Variants in RASAL1 observed in about 807,000 individuals in gnomAD.
RASAL1 encodes RAS protein activator like 1.
RASAL1 carries 72 observed loss-of-function variants against 96.6 expected under a neutral mutation model. The observed-to-expected ratio is 0.75, with a 90% confidence interval of 0.62 to 0.91. The LOEUF (loss-of-function observed/expected upper bound fraction) is 0.91, where lower values mean the gene tolerates loss of function less well. RASAL1 is among the 40% of genes least tolerant of loss of function. The probability of loss-of-function intolerance (pLI) is 0.00; values close to 1 mark genes in which losing one functional copy is unlikely to be tolerated. For missense variants in RASAL1, 1,016 were observed against 1,072.5 expected (o/e 0.95, Z 0.74); for synonymous variants, 405 against 430.4 (o/e 0.94, Z 0.73).
Position 113,128,103 on chromosome 12 carries a change from G to A in RASAL1, c.198C>T (p.His66=). ...CATCCAGCACGTAGAAGGCCAGCTG[G>A]TGGAAATCCAGAGGCAGGTGCACCG... The part of the protein sequence containing the change: ...EYTVHLPLDF[H]QLAFYVLDED... Residue 66 remains histidine, a synonymous_variant, in exon 3 of 21, where the codon CAC becomes CAT. Transcript: ENST00000548055. 6.2e-7 allele frequency: 1 copy of A among 1,614,016 alleles called. No homozygotes were observed. Among genetic ancestry groups the A allele is most frequent in the Non-Finnish European group, 8.5e-7 (1 of 1,180,000 alleles).
intron 4 of RASAL1, among the ~76,000 whole-genome samples, chr12:113,122,729 C>T (rs1951343976): frequency 6.6e-6 from 1 of 152,210 alleles, no homozygotes; most frequent in Non-Finnish European, 1.5e-5. Flanking sequence ...GTAGAGATTG[C>T]ACTGCTTCTA....
rs773504316 is a variant in RASAL1 at position 113,115,610 on chromosome 12, G to A, written c.1003+25C>T. ...CAAGCCCACCATTGAGGGCGGTGAT[G>A]TCGGGGGTTGTGCGGGCAACTCACT... On this transcript the variant is annotated intron_variant, in intron 10 of 20. Coordinates refer to ENST00000548055, the MANE Select transcript of RASAL1 (RefSeq NM_001301202.2). The surrounding 1 kb of genome is among the most constrained non-coding windows in gnomAD (Gnocchi z 4.1). The A allele has an allele frequency of 6.2e-7, 1 of 1,609,738 alleles. No homozygotes were observed. The highest frequency in any genetic ancestry group is 1.3e-5 in the African/African-American group (1 of 74,962).
At chr12:113,109,369 C>A (rs557223080) in intron 13 of RASAL1, among the ~76,000 whole-genome samples, 54 of 152,264 alleles carry the variant, frequency 3.5e-4, no homozygotes, top group African/African-American at 1.2e-3. Context: ...GTAGTGAACC[C>A]AGTCTGATGG....
chr12:113,112,337 C>A, intron 12 of RASAL1, 59 bp from the exon 13 acceptor site: 2 of 1,217,598 alleles, frequency 1.6e-6, no homozygotes, highest in Non-Finnish European at 2.1e-6. Context: ...GCTCCAAACC[C>A]TCCACCGGCC....
chr12:113,134,940 A>T (rs918741653), intron 1 of RASAL1, among the ~76,000 whole-genome samples: 8 of 152,066 alleles, frequency 5.3e-5, no homozygotes, highest in African/African-American at 1.4e-4. Flanking sequence ...TCCACACAGG[A>T]TGTTAGGGCT....
At chr12:113,113,587 A>G (rs7978582) in intron 12 of RASAL1, among the ~76,000 whole-genome samples, 16,693 of 152,184 alleles carry the variant, frequency 0.11, 1,103 homozygotes, top group Middle Eastern at 0.19. Context: ...TCCTGGCTGT[A>G]TGACCTTAGG....
At chr12:113,128,420 C>G (rs1469679582) in intron 2 of RASAL1, among the ~76,000 whole-genome samples, 1 of 151,094 alleles carries the variant, frequency 6.6e-6, no homozygotes, top group Non-Finnish European at 1.5e-5. Context: ...ATGTATGAAT[C>G]CAGGCATAGA....
rs761835025 is a variant in RASAL1, at chr12:113,100,621, C to T, written c.2278+7G>A. 1.2e-6 allele frequency: 2 copies of T among 1,606,572 alleles called. No individual in the cohort carries two copies. Among genetic ancestry groups the T allele is most frequent in the East Asian group, 4.5e-5 (2 of 44,730 alleles). On this transcript the variant is annotated splice_region_variant and intron_variant, in intron 20 of 20. Transcript: ENST00000548055. ...GCCTTTACCTTCTGAGGTACAGGAG[C>T]CCTTACCTGTGTCTGCCTCCAGAGT...
intron 13 of RASAL1, among the ~76,000 whole-genome samples, chr12:113,111,358 G>A (rs2136151307): frequency 6.6e-6 from 1 of 152,220 alleles, no homozygotes; most frequent in South Asian, 2.1e-4. Flanking sequence ...ACAGACTCAG[G>A]AGCCAGCCTG....
intron 1 of RASAL1, among the ~76,000 whole-genome samples, chr12:113,133,449 C>T (rs752591297): frequency 1.2e-4 from 18 of 152,168 alleles, no homozygotes; most frequent in African/African-American, 1.7e-4. Context: ...AAATAAGAGA[C>T]GCCAATAGAA....
intron 5 of RASAL1, among the ~76,000 whole-genome samples, chr12:113,120,728 T>A (rs1951264259): frequency 6.6e-6 from 1 of 152,098 alleles, no homozygotes; most frequent in Admixed American, 6.5e-5. Context: ...CTGGTGCCCC[T>A]AGAGGGCCAC....
At chr12:113,106,979 G>T in intron 15 of RASAL1, 118 bp downstream of exon 15, 1 of 1,173,222 alleles carries the variant, frequency 8.5e-7, no homozygotes, top group Non-Finnish European at 1.2e-6. Context: ...AATGTTAGTT[G>T]ACTGACCCAC....
intron 4 of RASAL1, among the ~76,000 whole-genome samples, chr12:113,126,950 A>AATATGTTATATGTTTATAT (rs1566067649): frequency 1.9e-4 from 27 of 145,876 alleles, no homozygotes; most frequent in African/African-American, 6.2e-4. Context: ...TTTATATATA[A>AATATGTTATATGTTTATAT]TTATTATATA....
chr12:113,119,258 G>T lies in RASAL1; in HGVS notation c.512C>A (p.Thr171Asn). Residue 171 changes from threonine (T) to asparagine (N), a missense_variant and splice_region_variant, in exon 7 of 21, where the codon ACC becomes AAC. Coordinates refer to ENST00000548055, the MANE Select transcript of RASAL1 (RefSeq NM_001301202.2). Reference sequence around the variant, plus strand: ...GTGCGGGAAGCGAGTCTTCTTGATGGTCTGAGGGCGAAGGAAGTGGTCTGT... The same window carrying T: ...GTGCGGGAAGCGAGTCTTCTTGATGTTCTGAGGGCGAAGGAAGTGGTCTGT... ...FWGSQSLETS[T>N]IKKTRFPHWD... The T allele has an allele frequency of 1.2e-6, 2 of 1,612,784 alleles. No homozygotes were observed. The highest frequency in any genetic ancestry group is 1.7e-4 in the Middle Eastern group (1 of 6,054).
intron 19 of RASAL1, among the ~76,000 whole-genome samples, chr12:113,100,942 T>C (rs1950422968): frequency 6.6e-6 from 1 of 152,226 alleles, no homozygotes; most frequent in Non-Finnish European, 1.5e-5. Context: ...AGATGATCAC[T>C]GAGACACAGA....
rs760987444 is a variant in RASAL1, at chr12:113,119,180, C to T, written c.590G>A (p.Arg197Gln). The T allele has an allele frequency of 1.9e-5, 31 of 1,613,842 alleles. No homozygotes were observed. Among genetic ancestry groups the T allele is most frequent in the South Asian group, 3.3e-5 (3 of 91,052 alleles). The change falls in exon 7 of 21, where the codon CGG (arginine) becomes CAG (glutamine). Residue 197 changes from arginine to glutamine, a missense_variant. Physicochemically the swap from Arg to Gln is conservative, Grantham distance 43 (BLOSUM62 1). Transcript: ENST00000548055. ...REMPGAPSPL[R>Q]VELWDWDMVG... ...CATGTCCCAGTCCCAGAGCTCCACC[C>T]GCAGTGGGGACGGGGCACCTGGCAT...
At chr12:113,119,284 G>C (rs1229076443) in intron 6 of RASAL1, 25 bp from the exon 7 acceptor site, 1 of 1,611,592 alleles carries the variant, frequency 6.2e-7, no homozygotes, top group Non-Finnish European at 8.5e-7. Flanking sequence ...AGTGGTCTGT[G>C]AGTGGGAGAG....
At chr12:113,134,377 A>G (rs999212296) in intron 1 of RASAL1, among the ~76,000 whole-genome samples, 7 of 152,076 alleles carry the variant, frequency 4.6e-5, no homozygotes, top group African/African-American at 1.7e-4. Context: ...CTAAGACTGA[A>G]TCTTGACACA....
Position 113,115,753 on chromosome 12 carries a change from C to G in RASAL1, c.885G>C (p.Glu295Asp). The change falls in exon 10 of 21, where the codon GAG becomes GAC. Residue 295 changes from glutamate (E) to aspartate (D), a missense_variant. Physicochemically the swap from Glu to Asp is conservative, Grantham distance 45. Transcript: ENST00000548055. The surrounding 1 kb of genome is among the most constrained non-coding windows in gnomAD (Gnocchi z 4.1). Reference protein sequence around the residue: ...DTASPLALLEELTLGDCRQDL... With the variant: ...DTASPLALLEDLTLGDCRQDL... ...CCTGGCGGCAGTCCCCCAAGGTCAG[C>G]TCTTCCAGCAAAGCCAAGGGGCTAG... 1 of 1,614,184 alleles carries G rather than the reference C, an allele frequency of 6.2e-7. No individual in the cohort carries two copies. The highest frequency in any genetic ancestry group is 1.3e-5 in the African/African-American group (1 of 75,050).
Sources: allele counts gnomAD v4.1 joint callset (sites outside exome capture counted in the v4.1 genomes callset), GRCh38; gene constraint gnomAD v4.1.1; non-coding constraint Gnocchi (gnomAD v3.1); transcripts MANE v1.5; gene names NCBI Gene and HGNC (gene_info 2026-07-23, HGNC 2026-07-21).